APH1B: variants seen among roughly 807,000 people sequenced by gnomAD.
The protein encoded by APH1B is aph-1B gamma-secretase subunit.
APH1B carries 27 observed loss-of-function variants against 28.2 expected under a neutral mutation model. That is an observed-to-expected ratio of 0.96 (90% CI 0.70 to 1.32). APH1B has a LOEUF of 1.32. Ranked by LOEUF, APH1B falls within the 40% of genes most tolerant of loss-of-function variation. APH1B has a pLI of 0.00. For missense variants in APH1B, 305 were observed against 313.6 expected (o/e 0.97, Z 0.21); for synonymous variants, 141 against 124.6 (o/e 1.13, Z -0.88).
intron 1 of APH1B, chr15:63,277,999 A>G (rs948033883): frequency 9.7e-6 from 5 of 516,070 alleles, no homozygotes; most frequent in African/African-American, 7.7e-5. Context: ...GTTGTATAAA[A>G]AAATTATGGA....
intron 4 of APH1B, among the ~76,000 whole-genome samples, chr15:63,288,170 C>T (rs2038467324): frequency 6.6e-6 from 1 of 152,096 alleles, no homozygotes. Context: ...TATTTTTAGT[C>T]GTTTCCACAA....
In APH1B at chr15:63,286,550, T is replaced by C; in HGVS notation, c.285-8T>C. On this transcript the variant is annotated splice_polypyrimidine_tract_variant and splice_region_variant and intron_variant, in intron 2 of 5. Coordinates refer to ENST00000261879, the MANE Select transcript of APH1B (RefSeq NM_031301.4). Reference sequence around the variant, plus strand: ...TTCTTCTTAATTACATGTGTGGTTTTATTTTAGAAAAGCCAGTGAAGGTTT... The same window carrying C: ...TTCTTCTTAATTACATGTGTGGTTTCATTTTAGAAAAGCCAGTGAAGGTTT... 1.9e-6 allele frequency: 3 copies of C among 1,589,204 alleles called. No individual in the cohort carries two copies. Among genetic ancestry groups the C allele is most frequent in the Non-Finnish European group, 2.6e-6 (3 of 1,172,450 alleles).
rs536398568 is a variant in APH1B at position 63,304,565 on chromosome 15, A to C, written c.607-1049A>C. Among the ~76,000 whole-genome samples the C allele has an allele frequency of 2.6e-5, 4 of 152,282 alleles. No individual in the cohort carries two copies. The East Asian group carries it at 7.7e-4, about 29-fold the overall frequency. On this transcript the variant is annotated intron_variant, in intron 5 of 5. Coordinates refer to ENST00000261879, the MANE Select transcript of APH1B (RefSeq NM_031301.4). This position sits in a 1 kb window ranked among gnomAD's most constrained non-coding sequence, Gnocchi z 5.1. ...ACATTCTCTTAATGTCTTTCGGTGA[A>C]CAAAAGTTCTTAATTTTATATAGTC...
chr15:63,285,466 A>T (rs1302404731), intron 2 of APH1B, among the ~76,000 whole-genome samples: 1 of 152,182 alleles, frequency 6.6e-6, no homozygotes, highest in Non-Finnish European at 1.5e-5. Context: ...TTGAGTCAGG[A>T]TCTTACATTA....
intron 2 of APH1B, among the ~76,000 whole-genome samples, chr15:63,281,544 A>AC (rs1213733026): frequency 2.0e-5 from 3 of 151,032 alleles, no homozygotes; most frequent in South Asian, 2.1e-4. Flanking sequence ...GAAAAAAAAA[A>AC]AAAAAAACAA....
chr15:63,286,676 C>T (rs778271660), intron 3 of APH1B, 48 bp downstream of exon 3: 24 of 1,496,518 alleles, frequency 1.6e-5, no homozygotes, highest in Non-Finnish European at 2.1e-5. Flanking sequence ...TCATACTTGG[C>T]ATAAAAGTCA....
At chr15:63,288,700 G>T (rs1201245363) in intron 4 of APH1B, among the ~76,000 whole-genome samples, 1 of 152,300 alleles carries the variant, frequency 6.6e-6, no homozygotes, top group African/African-American at 2.4e-5. Flanking sequence ...TTATTTAATG[G>T]TGCTTCCAAC....
Position 63,307,187 on chromosome 15 carries a change from G to T in APH1B, c.*1406G>T, listed in dbSNP as rs1415944988. On this transcript the variant is annotated 3_prime_UTR_variant, in exon 6 of 6. Transcript: ENST00000261879. ...CTGAGGGGCTGGGGGAGTGACAGTG[G>T]CAGGACGGATGGGCGGGTTTGACAG... is the stretch of plus-strand genomic sequence containing the variant. 1 of 152,252 alleles carries T rather than the reference G, an allele frequency of 6.6e-6. No homozygotes were observed. The highest frequency in any genetic ancestry group is 1.9e-4 in the East Asian group (1 of 5,200). 9.4% of individuals were successfully genotyped at this position (152,252 alleles called of 1,614,324 possible).
At chr15:63,278,424 C>T (rs1251032587) in intron 1 of APH1B, 2 of 451,852 alleles carry the variant, frequency 4.4e-6, no homozygotes, top group East Asian at 1.4e-4. Context: ...CACATCCCCC[C>T]TCCTCTGATG....
At chr15:63,284,688 C>A (rs1033153336) in intron 2 of APH1B, among the ~76,000 whole-genome samples, 1 of 152,176 alleles carries the variant, frequency 6.6e-6, no homozygotes, top group Non-Finnish European at 1.5e-5. Context: ...CCATTGTTGA[C>A]TGAAATGTTG....
intron 2 of APH1B, 83 bp from the exon 3 acceptor site, chr15:63,286,475 G>A (rs1356541464): frequency 1.8e-6 from 2 of 1,119,794 alleles, no homozygotes; most frequent in South Asian, 1.5e-5. Context: ...TGGGTTTGAA[G>A]TGTCTTGTTG....
chr15:63,302,068 C>G (rs894662239), intron 4 of APH1B, among the ~76,000 whole-genome samples: 1 of 152,224 alleles, frequency 6.6e-6, no homozygotes, highest in African/African-American at 2.4e-5. Flanking sequence ...CTGGACATCA[C>G]AGTAATTTTA....
At chr15:63,297,469 A>G (rs964718150) in intron 4 of APH1B, among the ~76,000 whole-genome samples, 1 of 152,188 alleles carries the variant, frequency 6.6e-6, no homozygotes, top group Non-Finnish European at 1.5e-5. Context: ...GGTGGAGGCT[A>G]TAGTGAGCCA....
rs539716475 is a variant in APH1B at position 63,307,624 on chromosome 15, A to G, written c.*1843A>G. 6.6e-6 allele frequency: 1 copy of G among 152,248 alleles called. No homozygotes were observed. Among genetic ancestry groups the G allele is most frequent in the East Asian group, 1.9e-4 (1 of 5,204 alleles). The allele number at this position is 152,248 out of a possible 1,614,324, so 9.4% of individuals were successfully genotyped here. ...TACTCATCAAACTGGGATTATTCTT[A>G]TCAAAACATGGTCTTCTTTGAATAA... On this transcript the variant is annotated 3_prime_UTR_variant, in exon 6 of 6. Transcript: ENST00000261879.
intron 4 of APH1B, among the ~76,000 whole-genome samples, chr15:63,301,601 T>TTC (rs1319180306): frequency 2.1e-5 from 3 of 143,238 alleles, no homozygotes; most frequent in African/African-American, 7.7e-5. Flanking sequence ...CTTCTTCTTC[T>TTC]TTTTTTTTTT....
rs1173781726 is a variant in APH1B, at chr15:63,308,611, G to A, written c.*2830G>A. 1 of 152,268 alleles carries A rather than the reference G, an allele frequency of 6.6e-6. No individual in the cohort carries two copies. The highest frequency in any genetic ancestry group is 2.4e-5 in the African/African-American group (1 of 41,468). 9.4% of individuals were successfully genotyped at this position (152,268 alleles called of 1,614,324 possible). ...TGCAGAATAAGCAGTTGGGAGAGAA[G>A]CTTCTTCCTACCTGGTACTCCTCCC... is the stretch of plus-strand genomic sequence containing the variant. On this transcript the variant is annotated 3_prime_UTR_variant, in exon 6 of 6. Transcript: ENST00000261879.
intron 4 of APH1B, among the ~76,000 whole-genome samples, chr15:63,288,916 G>GCT (rs777723717): frequency 6.6e-5 from 10 of 152,132 alleles, no homozygotes; most frequent in Non-Finnish European, 1.5e-4. Flanking sequence ...AGTTAACACG[G>GCT]CTCTCTCTCC....
At chr15:63,300,702 C>T (rs566515728) in intron 4 of APH1B, among the ~76,000 whole-genome samples, 4 of 152,286 alleles carry the variant, frequency 2.6e-5, no homozygotes, top group South Asian at 2.1e-4. Flanking sequence ...TATCTACCAC[C>T]GTTTACTGAA....
chr15:63,298,204 GT>G lies in APH1B; in HGVS notation c.479-4136del, dbSNP rs559193045. ...CAAGAATGAAGAGAAATGCATTTTT[GT>G]TTTTATTTTTTATTTATTTTTTTGA... On this transcript the variant is annotated intron_variant, in intron 4 of 5. Coordinates refer to ENST00000261879, the MANE Select transcript of APH1B (RefSeq NM_031301.4). Among the ~76,000 whole-genome samples the G allele has an allele frequency of 4.5e-4, 68 of 152,118 alleles. 1 individual carries two copies. The South Asian group carries it at 0.014, about 31-fold the overall frequency.
Sources: gnomAD v4.1 joint callset for allele counts (sites outside exome capture counted in the v4.1 genomes callset) on GRCh38, gnomAD v4.1.1 for gene constraint, Gnocchi (gnomAD v3.1) non-coding constraint, MANE v1.5 for transcripts, NCBI Gene and HGNC (gene_info 2026-07-23, HGNC 2026-07-21) for gene names.